The following RSRC1 variants were observed in gnomAD, a reference collection of about 807,000 sequenced individuals.
RSRC1 encodes the protein serine/Arginine-related protein 53.
A neutral mutation model predicts 49.1 loss-of-function variants in RSRC1; 39 were observed. The ratio of observed to expected loss-of-function variants is 0.79; its 90% confidence interval spans 0.61 to 1.04. The LOEUF is 1.04. Ranked by LOEUF, RSRC1 falls within the 50% of genes least tolerant of loss-of-function variation. The probability of loss-of-function intolerance (pLI) is 0.00; values close to 1 mark genes in which losing one functional copy is unlikely to be tolerated. For missense variants in RSRC1, 388 were observed against 402.4 expected (o/e 0.96, Z 0.31); for synonymous variants, 143 against 130.8 (o/e 1.09, Z -0.63).
intron 6 of RSRC1, among the ~76,000 whole-genome samples, chr3:158,413,129 G>A (rs1445269927): frequency 6.6e-6 from 1 of 152,070 alleles, no homozygotes; most frequent in African/African-American, 2.4e-5. Flanking sequence ...TGTGGTACTG[G>A]TACAAATACA....
chr3:158,339,653 G>A lies in RSRC1; in HGVS notation c.532-15204G>A, dbSNP rs144966296. Among the ~76,000 whole-genome samples the A allele has an allele frequency of 9.4e-3, 1,424 of 152,192 alleles. 14 individuals are homozygous for A. The highest frequency in any genetic ancestry group is 0.016 in the Non-Finnish European group (1,077 of 68,010). On this transcript the variant is annotated intron_variant, in intron 5 of 9. Coordinates refer to ENST00000611884, the MANE Select transcript of RSRC1 (RefSeq NM_001271838.2). Reference sequence around the variant, plus strand: ...AAAGTAAATTATGTATGACACTAAGGAGGATTTTAAAGTTTACAAGGAAGT... The same window carrying A: ...AAAGTAAATTATGTATGACACTAAGAAGGATTTTAAAGTTTACAAGGAAGT...
At chr3:158,392,563 A>G (rs1228057239) in intron 6 of RSRC1, among the ~76,000 whole-genome samples, 1 of 152,070 alleles carries the variant, frequency 6.6e-6, no homozygotes, top group African/African-American at 2.4e-5. Flanking sequence ...TTATAAACCA[A>G]CTATGATCCA....
chr3:158,444,058 A>T lies in RSRC1; in HGVS notation c.584-16877A>T, dbSNP rs538284920. 2.0e-5 allele frequency among the ~76,000 whole-genome samples: 3 copies of T among 152,302 alleles called. No individual in the cohort carries two copies. The East Asian group carries it at 5.8e-4, about 29-fold the overall frequency. ...ACAGCAGTAGCATCAAAAATCACTGATCACAGGTGACAGATATCAACAGAT... is the reference window on the plus strand; with the variant it reads ...ACAGCAGTAGCATCAAAAATCACTGTTCACAGGTGACAGATATCAACAGAT... On this transcript the variant is annotated intron_variant, in intron 6 of 9. Coordinates refer to ENST00000611884, the MANE Select transcript of RSRC1 (RefSeq NM_001271838.2).
chr3:158,493,857 C>G (rs886870097), intron 7 of RSRC1, among the ~76,000 whole-genome samples: 2 of 152,146 alleles, frequency 1.3e-5, no homozygotes, highest in Non-Finnish European at 2.9e-5. Flanking sequence ...ACTTTACCTA[C>G]TAAATTAGGT....
At chr3:158,531,578 G>T (rs1401363952) in intron 7 of RSRC1, among the ~76,000 whole-genome samples, 1 of 151,730 alleles carries the variant, frequency 6.6e-6, no homozygotes, top group South Asian at 2.1e-4. Context: ...TATGTAACAT[G>T]GTCCTGTAGC....
At chr3:158,411,361 T>C (rs1257126100) in intron 6 of RSRC1, among the ~76,000 whole-genome samples, 1 of 152,134 alleles carries the variant, frequency 6.6e-6, no homozygotes, top group African/African-American at 2.4e-5. Flanking sequence ...TTAAATTTAC[T>C]AGGCAATGTC....
intron 7 of RSRC1, among the ~76,000 whole-genome samples, chr3:158,524,924 A>G (rs140380836): frequency 1.3e-5 from 2 of 152,148 alleles, no homozygotes; most frequent in South Asian, 2.1e-4. Flanking sequence ...TGCGGGACCC[A>G]TAAGAATTAG....
rs539212410 is a variant in RSRC1 at position 158,390,660 on chromosome 3, A to G, written c.583+35752A>G. Among the ~76,000 whole-genome samples the G allele has an allele frequency of 2.0e-5, 3 of 152,230 alleles. No homozygotes were observed. In the South Asian group the frequency reaches 6.2e-4, roughly 32 times the overall value. On this transcript the variant is annotated intron_variant, in intron 6 of 9. Transcript: ENST00000611884. ...TAATATTATTGTCCCTGGAGTACAG[A>G]TAAGGAAACTAGGAAGTAGGGAGGT...
intron 7 of RSRC1, among the ~76,000 whole-genome samples, chr3:158,477,801 T>TATAC (rs1738441157): frequency 1.2e-5 from 1 of 80,614 alleles, no homozygotes; most frequent in South Asian, 3.6e-4. Flanking sequence ...GAGGGATTTA[T>TATAC]ATATATATAT....
chr3:158,177,898 G>C (rs903421512), intron 3 of RSRC1, among the ~76,000 whole-genome samples: 1 of 152,176 alleles, frequency 6.6e-6, no homozygotes, highest in Admixed American at 6.5e-5. Flanking sequence ...AGCAAAAAAT[G>C]TGATTTCGTT....
intron 6 of RSRC1, among the ~76,000 whole-genome samples, chr3:158,417,952 G>A (rs999272243): frequency 2.0e-5 from 3 of 151,604 alleles, no homozygotes; most frequent in African/African-American, 4.8e-5. Flanking sequence ...TACTTGTTTC[G>A]GGTTTCCTGA....
At chr3:158,422,125 G>T (rs1477426151) in intron 6 of RSRC1, among the ~76,000 whole-genome samples, 1 of 151,094 alleles carries the variant, frequency 6.6e-6, no homozygotes, top group Non-Finnish European at 1.5e-5. Context: ...TGCACAATGT[G>T]CAGGTTAGTT....
At chr3:158,227,599 A>G (rs889360353) in intron 4 of RSRC1, among the ~76,000 whole-genome samples, 1 of 152,070 alleles carries the variant, frequency 6.6e-6, no homozygotes, top group Non-Finnish European at 1.5e-5. Context: ...CTGTCCTGCC[A>G]AACAGGCAAA....
At chr3:158,141,847 C>T (rs949056158) in intron 3 of RSRC1, among the ~76,000 whole-genome samples, 1 of 152,118 alleles carries the variant, frequency 6.6e-6, no homozygotes, top group Non-Finnish European at 1.5e-5. Flanking sequence ...CCTGTAATCC[C>T]AGCACTTTGG....
intron 3 of RSRC1, among the ~76,000 whole-genome samples, chr3:158,145,211 C>T (rs1487108508): frequency 2.0e-5 from 3 of 152,176 alleles, no homozygotes; most frequent in African/African-American, 7.2e-5. Flanking sequence ...TTGCCCATGC[C>T]TAAGTCCTGA....
chr3:158,346,916 A>C (rs987677019), intron 5 of RSRC1, among the ~76,000 whole-genome samples: 1 of 152,230 alleles, frequency 6.6e-6, no homozygotes, highest in Non-Finnish European at 1.5e-5. Flanking sequence ...CTTACAGTGG[A>C]ATACTACCCA....
intron 7 of RSRC1, among the ~76,000 whole-genome samples, chr3:158,513,828 C>A (rs1198357880): frequency 6.6e-6 from 1 of 152,168 alleles, no homozygotes; most frequent in East Asian, 1.9e-4. Flanking sequence ...GATTCAACTT[C>A]TTCCTGGTTT....
intron 4 of RSRC1, among the ~76,000 whole-genome samples, chr3:158,224,205 C>T (rs1004001227): frequency 7.9e-5 from 12 of 151,934 alleles, no homozygotes; most frequent in Admixed American, 2.6e-4. Context: ...GTTTCTTCAT[C>T]ACCTTTATCT....
chr3:158,134,898 A>AAGT (rs1716268301), intron 3 of RSRC1, among the ~76,000 whole-genome samples: 1 of 152,224 alleles, frequency 6.6e-6, no homozygotes, highest in South Asian at 2.1e-4. Flanking sequence ...TTAAGTACTT[A>AAGT]ACACTATAGC....
Sources: allele counts gnomAD v4.1 joint callset (sites outside exome capture counted in the v4.1 genomes callset), GRCh38; gene constraint gnomAD v4.1.1; transcripts MANE v1.5; gene names NCBI Gene and HGNC (gene_info 2026-07-23, HGNC 2026-07-21).